ATP2C1: variants seen among roughly 807,000 people sequenced by gnomAD.
The protein encoded by ATP2C1 is calcium-transporting ATPase type 2C member 1.
Under a neutral mutation model 120.5 loss-of-function variants are expected in ATP2C1, and 31 were observed. That is an observed-to-expected ratio of 0.26 (90% CI 0.19 to 0.35). The LOEUF is 0.35. Among genes scored for constraint, ATP2C1 ranks in the 10% least tolerant of loss-of-function variants. The probability of loss-of-function intolerance (pLI) is 1.00; values close to 1 mark genes in which losing one functional copy is unlikely to be tolerated. For synonymous variants in ATP2C1, 351 were observed against 358.7 expected, an observed-to-expected ratio of 0.98 and a Z score of 0.24; for missense variants, 731 against 1,107.5, an observed-to-expected ratio of 0.66 and a Z score of 4.83.
intron 8 of ATP2C1, among the ~76,000 whole-genome samples, chr3:130,946,179 C>T (rs945351122): frequency 1.3e-5 from 2 of 152,132 alleles, no homozygotes; most frequent in Admixed American, 6.5e-5. Context: ...TTTTATGATA[C>T]TGGATTATCA....
At chr3:131,015,296 A>G in intron 26 of ATP2C1, 1 of 690,458 alleles carries the variant, frequency 1.4e-6, no homozygotes, top group East Asian at 2.7e-5. Flanking sequence ...CTCCCCCCAC[A>G]GAGTTTACAT....
chr3:130,996,968 G>T (rs2062650879), intron 24 of ATP2C1, among the ~76,000 whole-genome samples, 172 bp downstream of exon 24: 1 of 152,100 alleles, frequency 6.6e-6, no homozygotes, highest in African/African-American at 2.4e-5. Context: ...TTTTGAGTGT[G>T]CATGCAGTGT....
chr3:130,948,520 T>C (rs1221580128), intron 8 of ATP2C1, among the ~76,000 whole-genome samples: 1 of 152,158 alleles, frequency 6.6e-6, no homozygotes, highest in Non-Finnish European at 1.5e-5. Context: ...ATTGTGGATA[T>C]CTTTGAGTTT....
chr3:130,927,770 C>T (rs2059279980), intron 2 of ATP2C1: 1 of 152,448 alleles, frequency 6.6e-6, no homozygotes, highest in Non-Finnish European at 1.5e-5. Context: ...TTGTAAAAAT[C>T]ATCTAGCTTA....
chr3:130,953,812 T>C lies in ATP2C1; in HGVS notation c.532-9T>C, dbSNP rs1273285371. 1 of 1,613,998 alleles carries C rather than the reference T, an allele frequency of 6.2e-7. No homozygotes were observed. On this transcript the variant is annotated splice_polypyrimidine_tract_variant and intron_variant, in intron 8 of 27. Coordinates refer to ENST00000510168, the MANE Select transcript of ATP2C1 (RefSeq NM_001378687.1). Reference sequence around the variant, plus strand: ...AAATTTGAATCTGGGATTCTTTATGTTCCCTAAGGCTGTGGATCTTTCCAT... The same window carrying C: ...AAATTTGAATCTGGGATTCTTTATGCTCCCTAAGGCTGTGGATCTTTCCAT...
intron 4 of ATP2C1, among the ~76,000 whole-genome samples, 158 bp from the exon 5 acceptor site, chr3:130,934,464 C>T (rs1272152315): frequency 6.6e-6 from 1 of 150,598 alleles, no homozygotes; most frequent in Non-Finnish European, 1.5e-5. Context: ...TAAGTATAAA[C>T]GCTTTTTTTG....
chr3:131,001,016 T>A (rs567723666), intron 27 of ATP2C1, among the ~76,000 whole-genome samples: 4 of 141,960 alleles, frequency 2.8e-5, no homozygotes, highest in Non-Finnish European at 4.5e-5. Flanking sequence ...GGCAGGCAAA[T>A]GGCTTGAACC....
chr3:130,899,812 A>G (rs2069988489), intron 2 of ATP2C1, among the ~76,000 whole-genome samples: 1 of 152,170 alleles, frequency 6.6e-6, no homozygotes, highest in African/African-American at 2.4e-5. Flanking sequence ...TTATCTTAAG[A>G]TGGCCGTAAC....
upstream of ATP2C1, among the ~76,000 whole-genome samples, chr3:130,890,977 C>T (rs1001031176): frequency 3.9e-5 from 6 of 152,004 alleles, no homozygotes; most frequent in Non-Finnish European, 7.4e-5. Flanking sequence ...ATTGGTAGGC[C>T]GAGGCAAGAG....
At chr3:130,996,342 A>AT in intron 23 of ATP2C1, 1 of 584,388 alleles carries the variant, frequency 1.7e-6, no homozygotes, top group Non-Finnish European at 3.0e-6. Flanking sequence ...AATCTTTGTG[A>AT]TTTATTTAAT....
At chr3:130,884,649 T>G (rs1397653144) in intron 1 of ATP2C1, among the ~76,000 whole-genome samples, 1 of 152,252 alleles carries the variant, frequency 6.6e-6, no homozygotes, top group Non-Finnish European at 1.5e-5. Context: ...TCTTTAGCTC[T>G]AATAAAATTA....
At chr3:130,937,714 T>A (rs1344352138) in intron 6 of ATP2C1, among the ~76,000 whole-genome samples, 2 of 152,206 alleles carry the variant, frequency 1.3e-5, no homozygotes, top group African/African-American at 4.8e-5. Flanking sequence ...TAAGGATAAC[T>A]GAAGCAGATG....
intron 8 of ATP2C1, among the ~76,000 whole-genome samples, chr3:130,952,237 G>A (rs1453891781): frequency 6.6e-6 from 1 of 152,080 alleles, no homozygotes; most frequent in Non-Finnish European, 1.5e-5. Flanking sequence ...ATATCCAAGG[G>A]TAGAAACTTT....
intron 1 of ATP2C1, among the ~76,000 whole-genome samples, chr3:130,861,350 C>T (rs542400598): frequency 2.6e-4 from 39 of 152,092 alleles, no homozygotes; most frequent in Admixed American, 5.2e-4. Context: ...CAGAGAAATC[C>T]CATAATCTGC....
At chr3:130,907,526 ATTC>A (rs1162343151) in intron 2 of ATP2C1, among the ~76,000 whole-genome samples, 2 of 152,062 alleles carry the variant, frequency 1.3e-5, no homozygotes, top group Non-Finnish European at 2.9e-5. Context: ...TAAAAAGACT[ATTC>A]TTTTTCCATT....
intron 8 of ATP2C1, among the ~76,000 whole-genome samples, chr3:130,946,922 T>C (rs1197010172): frequency 2.0e-5 from 3 of 152,218 alleles, no homozygotes; most frequent in African/African-American, 7.2e-5. Context: ...GTACAGCACA[T>C]TGTATCAGGC....
chr3:130,863,853 C>T (rs142092038), intron 1 of ATP2C1, among the ~76,000 whole-genome samples: 112 of 152,272 alleles, frequency 7.4e-4, no homozygotes, highest in African/African-American at 2.6e-3. Flanking sequence ...CAAGGTCTCC[C>T]TAGTCATGTG....
At chr3:130,956,248 A>G in intron 11 of ATP2C1, 69 bp downstream of exon 11, 1 of 945,668 alleles carries the variant, frequency 1.1e-6, no homozygotes, top group Non-Finnish European at 1.6e-6. Context: ...GGGTGGTGGT[A>G]TTCTAGTTTT....
chr3:130,867,428 G>C (rs1222355283), intron 1 of ATP2C1, among the ~76,000 whole-genome samples: 3 of 144,194 alleles, frequency 2.1e-5, no homozygotes, highest in African/African-American at 7.6e-5. Flanking sequence ...TCCTGCCTCA[G>C]CCTGCCGAGT....
Sources: allele counts gnomAD v4.1 joint callset (sites outside exome capture counted in the v4.1 genomes callset), GRCh38; gene constraint gnomAD v4.1.1; transcripts MANE v1.5; gene names NCBI Gene and HGNC (gene_info 2026-07-23, HGNC 2026-07-21).